Variants in BRIP1 observed in about 807,000 individuals in gnomAD.
BRIP1 encodes BRCA1 interacting DNA helicase 1.
Under a neutral mutation model 119.7 loss-of-function variants are expected in BRIP1, and 88 were observed. The ratio of observed to expected loss-of-function variants is 0.74; its 90% CI spans 0.62 to 0.88. The LOEUF is 0.88. Among genes scored for constraint, BRIP1 ranks in the 40% least tolerant of loss-of-function variants. The pLI, the probability that BRIP1 is intolerant of heterozygous loss-of-function variation, is 0.00. For synonymous variants in BRIP1, 443 were observed against 496.5 expected (o/e 0.89, Z 1.43); for missense variants, 1,259 against 1,455.4 (o/e 0.87, Z 2.20).
chr17:61,774,058 C>A lies in BRIP1; in HGVS notation c.2097+2343G>T, dbSNP rs1270940901. Reference sequence around the variant, plus strand: ...CCTCAAGGATCTAAAACTAGAAATACCATTTGACCCAGTCATCACATTACT... The same window carrying A: ...CCTCAAGGATCTAAAACTAGAAATAACATTTGACCCAGTCATCACATTACT... On this transcript the variant is annotated intron_variant, in intron 14 of 19. Coordinates refer to ENST00000259008, the MANE Select transcript of BRIP1 (RefSeq NM_032043.3). The surrounding 1 kb of genome is among the most constrained non-coding windows in gnomAD (Gnocchi z 5.8). Among the ~76,000 whole-genome samples, 2 of 152,118 alleles carry A rather than the reference C, an allele frequency of 1.3e-5. No homozygotes were observed. Among genetic ancestry groups the A allele is most frequent in the Admixed American group, 6.5e-5 (1 of 15,282 alleles).
At position 61,859,793 on chromosome 17, in the gene BRIP1, T is replaced by C. The variant is rs539329589; in HGVS notation, c.205+3A>G. The C allele has an allele frequency of 1.9e-6, 3 of 1,598,336 alleles. No homozygotes were observed. The South Asian group carries it at 3.3e-5, about 18-fold the overall frequency. The stretch of plus-strand genomic sequence containing the variant: ...AACCTGAAGATATCAAGCAACTACT[T>C]ACCACTAAGAGATTGTTGCCATGCT... On this transcript the variant is annotated splice_donor_region_variant and intron_variant, in intron 3 of 19. Coordinates refer to ENST00000259008, the MANE Select transcript of BRIP1 (RefSeq NM_032043.3).
chr17:61,705,681 A>G lies in BRIP1; in HGVS notation c.2492+10270T>C, dbSNP rs967796607. On this transcript the variant is annotated intron_variant, in intron 17 of 19. Transcript: ENST00000259008. This position sits in a 1 kb window ranked among gnomAD's most constrained non-coding sequence, Gnocchi z 5.0. ...GAGGATGTTTTTTCCTAAAATAAGC[A>G]TTTAATGACATAAATATCCATCTGA... Among the ~76,000 whole-genome samples the G allele has an allele frequency of 7.9e-5, 12 of 152,176 alleles. No homozygotes were observed. The highest frequency in any genetic ancestry group is 1.2e-4 in the Non-Finnish European group (8 of 68,020).
chr17:61,759,004 T>TAATA lies in BRIP1; in HGVS notation c.2098-14414_2098-14413insTATT, dbSNP rs1218549498. ...ACCTGGGTGACAGAGCAAGACCCTGTCATAAATAAATAAATAAATAAATAA... is the reference window on the plus strand; with the variant it reads ...ACCTGGGTGACAGAGCAAGACCCTGTAATACATAAATAAATAAATAAATAAATAA... On this transcript the variant is annotated intron_variant, in intron 14 of 19. Transcript: ENST00000259008. This position sits in a 1 kb window ranked among gnomAD's most constrained non-coding sequence, Gnocchi z 4.9. Among the ~76,000 whole-genome samples, 2 of 25,040 alleles carry TAATA rather than the reference T, an allele frequency of 8.0e-5. No homozygotes were observed. Among genetic ancestry groups the TAATA allele is most frequent in the Non-Finnish European group, 2.2e-4 (2 of 9,132 alleles). The allele number at this position is 25,040 out of a possible 152,430, so 16.4% of individuals were successfully genotyped here. A position where few individuals can be genotyped will look rare whatever the true frequency, so the allele number is the denominator to read the frequency against.
At chr17:61,859,347 A>T (rs1040263427) in intron 3 of BRIP1, among the ~76,000 whole-genome samples, 21 of 152,132 alleles carry the variant, frequency 1.4e-4, no homozygotes, top group African/African-American at 4.3e-4. Flanking sequence ...AACTCTAAGC[A>T]TCCAAAACTT....
rs904157621 is a variant in BRIP1, at chr17:61,700,485, A to G, written c.2493-6973T>C. 2.0e-5 allele frequency among the ~76,000 whole-genome samples: 3 copies of G among 152,158 alleles called. No homozygotes were observed. Among genetic ancestry groups the G allele is most frequent in the African/African-American group, 7.2e-5 (3 of 41,440 alleles). ...GTTAGATATAGTATTCTTGGTTGAC[A>G]GTCATTTTCTTTCAGCACTTTGAAC... On this transcript the variant is annotated intron_variant, in intron 17 of 19. Coordinates refer to ENST00000259008, the MANE Select transcript of BRIP1 (RefSeq NM_032043.3). This position sits in a 1 kb window ranked among gnomAD's most constrained non-coding sequence, Gnocchi z 4.1.
Position 61,693,911 on chromosome 17 carries a change from T to C in BRIP1, c.2493-399A>G, listed in dbSNP as rs2061486709. Among the ~76,000 whole-genome samples, 1 of 152,102 alleles carries C rather than the reference T, an allele frequency of 6.6e-6. No individual in the cohort carries two copies. The stretch of plus-strand genomic sequence containing the variant: ...TAAACATTTAATTTTGTCAAAAATA[T>C]TCTAAAATTCAATTGACATAACATG... On this transcript the variant is annotated intron_variant, in intron 17 of 19. Transcript: ENST00000259008. The surrounding 1 kb of genome is among the most constrained non-coding windows in gnomAD (Gnocchi z 4.2).
rs876660148 is a variant in BRIP1, at chr17:61,849,168, T to C, written c.468A>G (p.Val156=). ...CTAAGGGTCGAATTCTTTTCTTCTCTACTTGAAAATCATCATTTTCATCTC... is the reference window on the plus strand; with the variant it reads ...CTAAGGGTCGAATTCTTTTCTTCTCCACTTGAAAATCATCATTTTCATCTC... ...IYRDENDDFQ[V]EKKRIRPLET... Residue 156 remains valine, a synonymous_variant, in exon 5 of 20, where the codon GTA becomes GTG. Coordinates refer to ENST00000259008, the MANE Select transcript of BRIP1 (RefSeq NM_032043.3). 1.2e-6 allele frequency: 2 copies of C among 1,613,492 alleles called. No homozygotes were observed. The highest frequency in any genetic ancestry group is 1.7e-6 in the Non-Finnish European group (2 of 1,179,564).
rs2076999747 is a variant in BRIP1 at position 61,742,546 on chromosome 17, T to C, written c.2379+467A>G. 6.6e-6 allele frequency among the ~76,000 whole-genome samples: 1 copy of C among 152,110 alleles called. No individual in the cohort carries two copies. The highest frequency in any genetic ancestry group is 1.5e-5 in the Non-Finnish European group (1 of 68,024). On this transcript the variant is annotated intron_variant, in intron 16 of 19. Transcript: ENST00000259008. This position sits in a 1 kb window ranked among gnomAD's most constrained non-coding sequence, Gnocchi z 4.7. Reference sequence around the variant, plus strand: ...CTTTCACTTGAACACTCTGGGGCCATTGTAGGGTTATTAACTGGCCTAATT... The same window carrying C: ...CTTTCACTTGAACACTCTGGGGCCACTGTAGGGTTATTAACTGGCCTAATT...
rs1195896140 is a variant in BRIP1 at position 61,722,792 on chromosome 17, A to G, written c.2380-6729T>C. 6.6e-6 allele frequency among the ~76,000 whole-genome samples: 1 copy of G among 152,202 alleles called. No individual in the cohort carries two copies. Among genetic ancestry groups the G allele is most frequent in the Non-Finnish European group, 1.5e-5 (1 of 68,028 alleles). On this transcript the variant is annotated intron_variant, in intron 16 of 19. Coordinates refer to ENST00000259008, the MANE Select transcript of BRIP1 (RefSeq NM_032043.3). The surrounding 1 kb of genome is among the most constrained non-coding windows in gnomAD (Gnocchi z 4.6). ...TTGGTCTTCTATTTTTCATTAACAT[A>G]ATTAAAATTTTCTGTATGGCTACAT...
rs730881641 is a variant in BRIP1, at chr17:61,780,247, AAAC to A, written c.1935+11_1935+13del. On this transcript the variant is annotated intron_variant, in intron 13 of 19. Transcript: ENST00000259008. The surrounding 1 kb of genome is among the most constrained non-coding windows in gnomAD (Gnocchi z 5.4). ...AACACTGAAGGCCTTCCAAAAAAAA[AAAC>A]AACAACTAACCTGTGAATTTTTAAT... 201 of 1,611,246 alleles carry A rather than the reference AAAC, an allele frequency of 1.2e-4. No homozygotes were observed. The African/African-American group carries it at 1.5e-3, about 12-fold the overall frequency.
At chr17:61,817,738 AT>A (rs1488465607) in intron 6 of BRIP1, among the ~76,000 whole-genome samples, 2 of 152,228 alleles carry the variant, frequency 1.3e-5, no homozygotes, top group Non-Finnish European at 2.9e-5. Context: ...CATTTAAAGT[AT>A]TATCAGAGAT....
chr17:61,783,715 A>G (rs1317769894), intron 11 of BRIP1: 1 of 152,016 alleles, frequency 6.6e-6, no homozygotes, highest in Non-Finnish European at 1.5e-5. Flanking sequence ...AACTTTAGCA[A>G]TAGAAGATAA....
At chr17:61,854,654 C>T (rs1338136355) in intron 4 of BRIP1, among the ~76,000 whole-genome samples, 2 of 141,130 alleles carry the variant, frequency 1.4e-5, no homozygotes, top group African/African-American at 5.5e-5. Context: ...TTGCAGTGAG[C>T]TGAGATTGCG....
chr17:61,683,575 T>G lies in BRIP1; in HGVS notation c.3471A>C (p.Arg1157Ser), dbSNP rs2144074819. Residue 1157 changes from arginine (R) to serine (S), a missense_variant, in exon 20 of 20, where the codon AGA becomes AGC. Physicochemically the swap from Arg to Ser is moderately radical, Grantham distance 110. Transcript: ENST00000259008. The surrounding 1 kb of genome is among the most constrained non-coding windows in gnomAD (Gnocchi z 4.7). ...AAATGCAATCTGAATTGTTAGCCAATCTATTTCCTCTATCAGTTTCAGCTA... is the reference window on the plus strand; with the variant it reads ...AAATGCAATCTGAATTGTTAGCCAAGCTATTTCCTCTATCAGTTTCAGCTA... The part of the protein sequence containing the change: ...NDLAETDRGN[R>S]LANNSDCILA... 1 of 1,612,668 alleles carries G rather than the reference T, an allele frequency of 6.2e-7. No homozygotes were observed. The highest frequency in any genetic ancestry group is 8.5e-7 in the Non-Finnish European group (1 of 1,179,966).
At position 61,760,231 on chromosome 17, in the gene BRIP1, A is replaced by T. The variant is rs1338817790; in HGVS notation, c.2098-15640T>A. Reference sequence around the variant, plus strand: ...AATGAAGAAATTAAAAGGGAAATTTAAAAAAAATATATTGAGACAAACAAA... The same window carrying T: ...AATGAAGAAATTAAAAGGGAAATTTTAAAAAAATATATTGAGACAAACAAA... On this transcript the variant is annotated intron_variant, in intron 14 of 19. Coordinates refer to ENST00000259008, the MANE Select transcript of BRIP1 (RefSeq NM_032043.3). This position sits in a 1 kb window ranked among gnomAD's most constrained non-coding sequence, Gnocchi z 4.6. Among the ~76,000 whole-genome samples the T allele has an allele frequency of 3.3e-5, 5 of 151,702 alleles. No individual in the cohort carries two copies. Among genetic ancestry groups the T allele is most frequent in the East Asian group, 1.9e-4 (1 of 5,190 alleles).
In BRIP1 at chr17:61,722,023, C is replaced by T. The variant is rs546812635; in HGVS notation, c.2380-5960G>A. On this transcript the variant is annotated intron_variant, in intron 16 of 19. Coordinates refer to ENST00000259008, the MANE Select transcript of BRIP1 (RefSeq NM_032043.3). This position sits in a 1 kb window ranked among gnomAD's most constrained non-coding sequence, Gnocchi z 4.6. ...GGATTACAGGTGTGAGCCACCACGC[C>T]TAGCCAACTTTGCTTTTTTTTTTTT... is the stretch of plus-strand genomic sequence containing the variant. Among the ~76,000 whole-genome samples, 2 of 145,692 alleles carry T rather than the reference C, an allele frequency of 1.4e-5. No individual in the cohort carries two copies. The highest frequency in any genetic ancestry group is 3.0e-5 in the Non-Finnish European group (2 of 66,960).
chr17:61,834,647 A>C lies in BRIP1; in HGVS notation c.627+12454T>G, dbSNP rs1350131623. ...CTTTTGGTGACTGGAACATTAGCAA[A>C]CCTGACACAAACAGACTCAAAAGGC... On this transcript the variant is annotated intron_variant, in intron 6 of 19. Transcript: ENST00000259008. The surrounding 1 kb of genome is among the most constrained non-coding windows in gnomAD (Gnocchi z 4.4). Among the ~76,000 whole-genome samples, 2 of 151,980 alleles carry C rather than the reference A, an allele frequency of 1.3e-5. No individual in the cohort carries two copies. Among genetic ancestry groups the C allele is most frequent in the Non-Finnish European group, 2.9e-5 (2 of 67,998 alleles).
Position 61,776,659 on chromosome 17 carries a change from G to T in BRIP1, c.1936-97C>A. On this transcript the variant is annotated intron_variant, in intron 13 of 19. Transcript: ENST00000259008. The surrounding 1 kb of genome is among the most constrained non-coding windows in gnomAD (Gnocchi z 5.0). Reference sequence around the variant, plus strand: ...ATGTACATAAAAGATCAAGCAACAAGTTTAACAATTTATTTTTAAATTGTC... The same window carrying T: ...ATGTACATAAAAGATCAAGCAACAATTTTAACAATTTATTTTTAAATTGTC... The T allele has an allele frequency of 7.7e-7, 1 of 1,293,608 alleles. No homozygotes were observed. The highest frequency in any genetic ancestry group is 1.1e-6 in the Non-Finnish European group (1 of 896,728). 80.1% of individuals were successfully genotyped at this position (1,293,608 alleles called of 1,614,324 possible).
rs2077280751 is a variant in BRIP1, at chr17:61,761,782, G to A, written c.2097+14619C>T. Among the ~76,000 whole-genome samples, 1 of 151,976 alleles carries A rather than the reference G, an allele frequency of 6.6e-6. No homozygotes were observed. Among genetic ancestry groups the A allele is most frequent in the African/African-American group, 2.4e-5 (1 of 41,414 alleles). ...TGTAGAAGATACAAGTAAATAGCAT[G>A]ATATTCTTTGCTCATAGACTGGAAG... On this transcript the variant is annotated intron_variant, in intron 14 of 19. Coordinates refer to ENST00000259008, the MANE Select transcript of BRIP1 (RefSeq NM_032043.3). This position sits in a 1 kb window ranked among gnomAD's most constrained non-coding sequence, Gnocchi z 6.4.
Sources: gnomAD v4.1 joint callset for allele counts (sites outside exome capture counted in the v4.1 genomes callset) on GRCh38, gnomAD v4.1.1 for gene constraint, Gnocchi (gnomAD v3.1) non-coding constraint, MANE v1.5 for transcripts, NCBI Gene and HGNC (gene_info 2026-07-23, HGNC 2026-07-21) for gene names.